Variants in DNMT3A observed in about 807,000 individuals in gnomAD.
The protein encoded by DNMT3A is DNA methyltransferase 3 alpha.
Under a neutral mutation model 117.6 loss-of-function variants are expected in DNMT3A, and 267 were observed. The observed-to-expected ratio is 2.27, with a 90% CI of 2.05 to 2.51. The LOEUF is 2.51. DNMT3A is among the 30% of genes most tolerant of loss of function. DNMT3A has a pLI of 0.00. For missense variants in DNMT3A, 1,029 were observed against 1,260.2 expected (o/e 0.82, Z 2.78); for synonymous variants, 432 against 474.8 (o/e 0.91, Z 1.17).
rs1672806119 is a variant in DNMT3A, at chr2:25,229,995, T to G, written c.*4284A>C. ...GAGACCCCTTTGGTGTCAGCCTTCC[T>G]TCCTGCTGGGGTGCCTGTCCCAATC... On this transcript the variant is annotated 3_prime_UTR_variant, in exon 23 of 23. Transcript: ENST00000321117. 1 of 152,294 alleles carries G rather than the reference T, an allele frequency of 6.6e-6. No individual in the cohort carries two copies. The highest frequency in any genetic ancestry group is 2.4e-5 in the African/African-American group (1 of 41,444). The allele number at this position is 152,294 out of a possible 1,614,324, so 9.4% of individuals were successfully genotyped here. A position where few individuals can be genotyped will look rare whatever the true frequency, so the allele number is the denominator to read the frequency against.
intron 2 of DNMT3A, among the ~76,000 whole-genome samples, chr2:25,309,898 A>AC (rs919069680): frequency 6.6e-6 from 1 of 151,690 alleles, no homozygotes; most frequent in Non-Finnish European, 1.5e-5. Flanking sequence ...CTAAAAAAAA[A>AC]AATACAAAAA....
chr2:25,275,450 C>A, intron 5 of DNMT3A, 50 bp downstream of exon 5: 1 of 1,545,958 alleles, frequency 6.5e-7, no homozygotes, highest in Non-Finnish European at 8.8e-7. Flanking sequence ...CCACCCGTGT[C>A]CTTCTTCTAG....
chr2:25,250,444 A>G (rs751445430), intron 6 of DNMT3A, among the ~76,000 whole-genome samples: 31 of 152,184 alleles, frequency 2.0e-4, no homozygotes, highest in Non-Finnish European at 3.7e-4. Context: ...TGGATGGCGG[A>G]ATGAGCTCAC....
chr2:25,333,610 C>T (rs1299295575), intron 1 of DNMT3A, among the ~76,000 whole-genome samples: 10 of 152,194 alleles, frequency 6.6e-5, no homozygotes, highest in Non-Finnish European at 1.2e-4. Flanking sequence ...GGATTACAGG[C>T]GTGAGCCACT....
chr2:25,239,078 C>T, intron 20 of DNMT3A, 52 bp downstream of exon 20: 7 of 1,562,698 alleles, frequency 4.5e-6, no homozygotes, highest in Middle Eastern at 1.8e-4. Context: ...TATGGGTCAT[C>T]CCACCTGCAG....
chr2:25,276,777 A>G (rs1393574083), intron 4 of DNMT3A, among the ~76,000 whole-genome samples: 5 of 152,240 alleles, frequency 3.3e-5, no homozygotes. Context: ...CACTGCAGGA[A>G]GGTCACTAAG....
rs1158441120 is a variant in DNMT3A at position 25,304,952 on chromosome 2, C to T, written c.73-4709G>A. Reference sequence around the variant, plus strand: ...GAAAGACCCTTCCTCTCCTATAGTTCCCCTACCCAGCAAGGCAACGGTCAG... The same window carrying T: ...GAAAGACCCTTCCTCTCCTATAGTTTCCCTACCCAGCAAGGCAACGGTCAG... On this transcript the variant is annotated intron_variant, in intron 2 of 22. Coordinates refer to ENST00000321117, the MANE Select transcript of DNMT3A (RefSeq NM_022552.5). This position sits in a 1 kb window ranked among gnomAD's most constrained non-coding sequence, Gnocchi z 4.3. Among the ~76,000 whole-genome samples, 1 of 152,240 alleles carries T rather than the reference C, an allele frequency of 6.6e-6. No homozygotes were observed. Among genetic ancestry groups the T allele is most frequent in the Non-Finnish European group, 1.5e-5 (1 of 68,038 alleles).
rs1672759943 is a variant in DNMT3A at position 25,228,503 on chromosome 2, T to C, written c.*5776A>G. 6.6e-6 allele frequency: 1 copy of C among 151,986 alleles called. No homozygotes were observed. Among genetic ancestry groups the C allele is most frequent in the Non-Finnish European group, 1.5e-5 (1 of 68,008 alleles). 9.4% of individuals were successfully genotyped at this position (151,986 alleles called of 1,614,324 possible). ...GTATGAATACATGATTTCCCACAAA[T>C]AAGTAAGCACCCGCTACTTCAATGC... On this transcript the variant is annotated 3_prime_UTR_variant, in exon 23 of 23. Transcript: ENST00000321117.
At position 25,311,502 on chromosome 2, in the gene DNMT3A, A is replaced by G. The variant is rs2149425004; in HGVS notation, c.72+2411T>C. On this transcript the variant is annotated intron_variant, in intron 2 of 22. Transcript: ENST00000321117. This position sits in a 1 kb window ranked among gnomAD's most constrained non-coding sequence, Gnocchi z 5.2. ...GGGCGGCTGGGGAGGAGGCCTGGCTATGGCCCAGCCCTTATCTATCCAGAT... is the reference window on the plus strand; with the variant it reads ...GGGCGGCTGGGGAGGAGGCCTGGCTGTGGCCCAGCCCTTATCTATCCAGAT... 6.6e-6 allele frequency among the ~76,000 whole-genome samples: 1 copy of G among 152,252 alleles called. No homozygotes were observed. The highest frequency in any genetic ancestry group is 1.9e-4 in the East Asian group (1 of 5,174).
rs2149242953 is a variant in DNMT3A, at chr2:25,228,490, G to T, written c.*5789C>A. 6.6e-6 allele frequency: 1 copy of T among 152,084 alleles called. No homozygotes were observed. The highest frequency in any genetic ancestry group is 2.1e-4 in the South Asian group (1 of 4,820). 9.4% of individuals were successfully genotyped at this position (152,084 alleles called of 1,614,324 possible). A position where few individuals can be genotyped will look rare whatever the true frequency, so the allele number is the denominator to read the frequency against. ...AGTTTATTCTTCAGTATGAATACAT[G>T]ATTTCCCACAAATAAGTAAGCACCC... is the stretch of plus-strand genomic sequence containing the variant. On this transcript the variant is annotated 3_prime_UTR_variant, in exon 23 of 23. Coordinates refer to ENST00000321117, the MANE Select transcript of DNMT3A (RefSeq NM_022552.5).
intron 6 of DNMT3A, among the ~76,000 whole-genome samples, chr2:25,266,778 C>A (rs2030389864): frequency 6.6e-6 from 1 of 152,184 alleles, no homozygotes; most frequent in South Asian, 2.1e-4. Flanking sequence ...ATTTGACTAG[C>A]AAAATATTGA....
intron 4 of DNMT3A, among the ~76,000 whole-genome samples, chr2:25,280,307 C>CCCCCACCT (rs1433141625): frequency 1.5e-5 from 2 of 135,512 alleles, no homozygotes; most frequent in Non-Finnish European, 3.2e-5. Flanking sequence ...GCCTCCCCAC[C>CCCCCACCT]CCCCGCCTCC....
In DNMT3A at chr2:25,293,522, C is replaced by T. The variant is rs544612826; in HGVS notation, c.177+6617G>A. ...CTTCTTTCTTTGAGACAGGGTTTTG[C>T]TCTGTCACCCAGCTGGAGTGCAGTG... is the stretch of plus-strand genomic sequence containing the variant. On this transcript the variant is annotated intron_variant, in intron 3 of 22. Transcript: ENST00000321117. This position sits in a 1 kb window ranked among gnomAD's most constrained non-coding sequence, Gnocchi z 4.7. Among the ~76,000 whole-genome samples the T allele has an allele frequency of 6.6e-6, 1 of 152,176 alleles. No individual in the cohort carries two copies. Among genetic ancestry groups the T allele is most frequent in the Non-Finnish European group, 1.5e-5 (1 of 68,028 alleles).
chr2:25,239,419 G>T (rs150435641), intron 19 of DNMT3A: 16 of 652,544 alleles, frequency 2.5e-5, no homozygotes, highest in Middle Eastern at 2.6e-4. Flanking sequence ...TTCTAGATCA[G>T]CATTGTCCAA....
Position 25,245,234 on chromosome 2 carries a change from TGGG to T in DNMT3A, c.1554+16_1554+18del. 1 of 1,612,890 alleles carries T rather than the reference TGGG, an allele frequency of 6.2e-7. No individual in the cohort carries two copies. The highest frequency in any genetic ancestry group is 8.5e-7 in the Non-Finnish European group (1 of 1,179,382). On this transcript the variant is annotated intron_variant, in intron 13 of 22. Transcript: ENST00000321117. ...GGGCCGGCCTCAACGGCACCTCTCC[TGGG>T]TGGGTGTGCTCCTACCTTGCAGTTT...
intron 6 of DNMT3A, among the ~76,000 whole-genome samples, chr2:25,253,848 C>T (rs190627156): frequency 8.2e-4 from 124 of 152,146 alleles, no homozygotes; most frequent in African/African-American, 2.1e-3. Flanking sequence ...CTGAGGCAGG[C>T]GGATCATGAG....
At chr2:25,341,120 G>GCGCGT (rs2035414472) in intron 1 of DNMT3A, among the ~76,000 whole-genome samples, 1 of 143,034 alleles carries the variant, frequency 7.0e-6, no homozygotes, top group African/African-American at 2.5e-5. Context: ...TCGCGGCGCG[G>GCGCGT]CGCTCCCCGG....
intron 19 of DNMT3A, among the ~76,000 whole-genome samples, chr2:25,239,824 G>A (rs967252116): frequency 6.6e-6 from 1 of 152,206 alleles, no homozygotes; most frequent in Admixed American, 6.5e-5. Flanking sequence ...CCCTCTGCAC[G>A]CGGCTCAGAC....
intron 1 of DNMT3A, among the ~76,000 whole-genome samples, chr2:25,322,772 C>G (rs1453063572): frequency 6.6e-6 from 1 of 151,844 alleles, no homozygotes; most frequent in Non-Finnish European, 1.5e-5. Flanking sequence ...AGTCTCTCCT[C>G]AACAAGGGCT....
Sources: allele counts gnomAD v4.1 joint callset (sites outside exome capture counted in the v4.1 genomes callset), GRCh38; gene constraint gnomAD v4.1.1; non-coding constraint Gnocchi (gnomAD v3.1); transcripts MANE v1.5; gene names NCBI Gene and HGNC (gene_info 2026-07-23, HGNC 2026-07-21).